Variants in MACROD2 observed in about 807,000 individuals in gnomAD.
MACROD2 encodes ADP-ribose glycohydrolase MACROD2.
A neutral mutation model predicts 70.4 loss-of-function variants in MACROD2; 36 were observed. The ratio of observed to expected loss-of-function variants is 0.51; its 90% CI spans 0.39 to 0.68. The LOEUF (loss-of-function observed/expected upper bound fraction) is 0.68, where lower values mean the gene tolerates loss of function less well. Among genes scored for constraint, MACROD2 ranks in the 30% least tolerant of loss-of-function variants. MACROD2 has a pLI of 0.00. For missense variants in MACROD2, 496 were observed against 538.4 expected, an observed-to-expected ratio of 0.92 and a Z score of 0.78; for synonymous variants, 172 against 178.8, an observed-to-expected ratio of 0.96 and a Z score of 0.30.
At chr20:14,467,420 CA>C in intron 3 of MACROD2, among the ~76,000 whole-genome samples, 1 of 152,200 alleles carries the variant, frequency 6.6e-6, no homozygotes, top group Middle Eastern at 3.4e-3. Context: ...TCCGATTTTC[CA>C]GGTGCCATCT....
intron 4 of MACROD2, among the ~76,000 whole-genome samples, chr20:14,590,073 T>G (rs1363723058): frequency 2.0e-5 from 3 of 152,156 alleles, no homozygotes; most frequent in Admixed American, 1.3e-4. Context: ...CTAAAAAGAA[T>G]TATATTTTTA....
chr20:15,361,547 C>A (rs2075156219), intron 6 of MACROD2, among the ~76,000 whole-genome samples: 1 of 152,084 alleles, frequency 6.6e-6, no homozygotes, highest in African/African-American at 2.4e-5. Flanking sequence ...TATTCTAGTT[C>A]CTTTGTCATA....
intron 8 of MACROD2, among the ~76,000 whole-genome samples, chr20:15,836,394 A>G (rs568188521): frequency 4.7e-4 from 72 of 152,296 alleles, no homozygotes; most frequent in African/African-American, 1.6e-3. Context: ...ATTGGTGGTC[A>G]GTTACACAGA....
chr20:15,254,938 T>TC (rs1218651403), intron 6 of MACROD2, among the ~76,000 whole-genome samples: 1 of 147,210 alleles, frequency 6.8e-6, no homozygotes, highest in Admixed American at 6.8e-5. Flanking sequence ...CCTTTTTTTT[T>TC]TTTTTTTTTT....
intron 3 of MACROD2, among the ~76,000 whole-genome samples, chr20:14,090,473 T>C (rs545592047): frequency 6.6e-6 from 1 of 151,524 alleles, no homozygotes; most frequent in Non-Finnish European, 1.5e-5. Flanking sequence ...CTCTGGAGGC[T>C]GAGGCAGGAG....
chr20:14,525,286 G>A (rs895263862), intron 4 of MACROD2, among the ~76,000 whole-genome samples: 3 of 152,048 alleles, frequency 2.0e-5, no homozygotes, highest in Non-Finnish European at 4.4e-5. Context: ...TTATAATTAG[G>A]TCTATCTCCC....
chr20:15,255,422 G>T (rs998383000), intron 6 of MACROD2, among the ~76,000 whole-genome samples: 13 of 152,056 alleles, frequency 8.5e-5, no homozygotes, highest in African/African-American at 3.1e-4. Flanking sequence ...GCAAAACTAG[G>T]TTTATTAAAC....
At chr20:15,510,121 A>T (rs2047479239) in intron 8 of MACROD2, among the ~76,000 whole-genome samples, 1 of 152,240 alleles carries the variant, frequency 6.6e-6, no homozygotes, top group Admixed American at 6.5e-5. Context: ...GATCCGGATT[A>T]TATGGTGGTT....
intron 4 of MACROD2, among the ~76,000 whole-genome samples, chr20:14,535,719 G>C (rs2085356220): frequency 6.6e-6 from 1 of 152,008 alleles, no homozygotes; most frequent in South Asian, 2.1e-4. Context: ...ATTTTACCAG[G>C]ACCCTCACTT....
chr20:15,622,834 A>G (rs1182007975), intron 8 of MACROD2, among the ~76,000 whole-genome samples: 1 of 152,088 alleles, frequency 6.6e-6, no homozygotes, highest in Non-Finnish European at 1.5e-5. Context: ...TTTATTATTA[A>G]TTGTTGTTAA....
intron 8 of MACROD2, among the ~76,000 whole-genome samples, chr20:15,534,126 G>A (rs895345898): frequency 1.3e-5 from 2 of 152,144 alleles, no homozygotes; most frequent in African/African-American, 2.4e-5. Flanking sequence ...TATGTGTGAT[G>A]CATTATACCA....
intron 8 of MACROD2, among the ~76,000 whole-genome samples, chr20:15,517,790 A>C (rs1326641891): frequency 6.6e-6 from 1 of 152,222 alleles, no homozygotes; most frequent in South Asian, 2.1e-4. Context: ...GCCCCTCAGC[A>C]GAAATAAAAC....
chr20:15,667,875 T>C (rs748541009), intron 8 of MACROD2, among the ~76,000 whole-genome samples: 1 of 152,224 alleles, frequency 6.6e-6, no homozygotes, highest in African/African-American at 2.4e-5. Context: ...TATAACATTT[T>C]TCTTTAAGTC....
chr20:14,528,083 TGA>T (rs978850494), intron 4 of MACROD2, among the ~76,000 whole-genome samples: 6 of 151,772 alleles, frequency 4.0e-5, no homozygotes, highest in African/African-American at 1.2e-4. Flanking sequence ...AGATAAAATC[TGA>T]CCTTTAATAA....
rs1324991657 is a variant in MACROD2, at chr20:14,511,782, C to T, written c.301+18274C>T. 2.0e-5 allele frequency among the ~76,000 whole-genome samples: 3 copies of T among 151,744 alleles called. 1 individual carries two copies. The highest frequency in any genetic ancestry group is 3.8e-4 in the East Asian group (2 of 5,196). On this transcript the variant is annotated intron_variant, in intron 4 of 17. Coordinates refer to ENST00000684519, the MANE Select transcript of MACROD2 (RefSeq NM_001351661.2). ...ACAGAAAAAAAAAAAGTTGTATATC[C>T]TATTACATGTGTGATTTAGTAATAT...
chr20:15,948,949 C>T (rs1046001740), intron 12 of MACROD2, among the ~76,000 whole-genome samples: 2 of 152,172 alleles, frequency 1.3e-5, no homozygotes, highest in African/African-American at 4.8e-5. Flanking sequence ...ATTCCTTTGT[C>T]CAACATAGTG....
intron 5 of MACROD2, among the ~76,000 whole-genome samples, chr20:15,089,888 T>A (rs779502615): frequency 6.6e-6 from 1 of 152,102 alleles, no homozygotes; most frequent in Non-Finnish European, 1.5e-5. Context: ...TCATAGGAAG[T>A]TCTTGCCTTC....
intron 8 of MACROD2, among the ~76,000 whole-genome samples, chr20:15,824,381 A>C (rs189211909): frequency 6.6e-6 from 1 of 152,226 alleles, no homozygotes; most frequent in Non-Finnish European, 1.5e-5. Flanking sequence ...TTGCCAGTGT[A>C]TATTTCATTG....
intron 3 of MACROD2, among the ~76,000 whole-genome samples, chr20:14,215,331 CAT>C (rs59557340): frequency 0.046 from 5,259 of 114,104 alleles, 143 homozygotes; most frequent in Middle Eastern, 0.096. Flanking sequence ...TCTATGCCAT[CAT>C]ATATACACAC....
Sources: gnomAD v4.1 joint callset for allele counts (sites outside exome capture counted in the v4.1 genomes callset) on GRCh38, gnomAD v4.1.1 for gene constraint, MANE v1.5 for transcripts, NCBI Gene and HGNC (gene_info 2026-07-23, HGNC 2026-07-21) for gene names.